MARK1: variants seen among roughly 807,000 people sequenced by gnomAD.
MARK1 encodes serine/threonine-protein kinase MARK1.
A neutral mutation model predicts 96.3 loss-of-function variants in MARK1; 40 were observed. The ratio of observed to expected loss-of-function variants is 0.42; its 90% CI spans 0.32 to 0.54. The LOEUF (loss-of-function observed/expected upper bound fraction) is 0.54, where lower values mean the gene tolerates loss of function less well. Among genes scored for constraint, MARK1 ranks in the 20% least tolerant of loss-of-function variants. The pLI is 0.16. For missense variants in MARK1, 719 were observed against 984.6 expected, an observed-to-expected ratio of 0.73 and a Z score of 3.61; for synonymous variants, 317 against 341.2, an observed-to-expected ratio of 0.93 and a Z score of 0.78.
At chr1:220,661,379 C>G (rs1317030212) in intron 17 of MARK1, among the ~76,000 whole-genome samples, 1 of 152,132 alleles carries the variant, frequency 6.6e-6, no homozygotes, top group African/African-American at 2.4e-5. Context: ...TTATCTTTCC[C>G]TCTGAAGTTA....
chr1:220,549,680 A>G (rs920635940), intron 1 of MARK1, among the ~76,000 whole-genome samples: 2 of 152,206 alleles, frequency 1.3e-5, no homozygotes, highest in Admixed American at 6.5e-5. Context: ...GTTTAGTGAC[A>G]TAGATGTCCT....
chr1:220,558,281 A>C (rs996321301), intron 1 of MARK1, among the ~76,000 whole-genome samples: 4 of 151,454 alleles, frequency 2.6e-5, no homozygotes, highest in Non-Finnish European at 5.9e-5. Context: ...TATGCATTTA[A>C]AAATTTAAAA....
At chr1:220,552,928 T>A (rs768620480) in intron 1 of MARK1, among the ~76,000 whole-genome samples, 1 of 152,178 alleles carries the variant, frequency 6.6e-6, no homozygotes, top group African/African-American at 2.4e-5. Context: ...GCTGACAGAT[T>A]AGCCTTAGTG....
chr1:220,585,355 G>A (rs1424265173), intron 3 of MARK1, among the ~76,000 whole-genome samples: 1 of 152,120 alleles, frequency 6.6e-6, no homozygotes, highest in Non-Finnish European at 1.5e-5. Context: ...AGGGAAAGGT[G>A]TTTAAACAAG....
In MARK1 at chr1:220,654,862, A is replaced by G. The variant is rs1042226748; in HGVS notation, c.1988+1510A>G. On this transcript the variant is annotated intron_variant, in intron 16 of 17. Transcript: ENST00000366917. This position sits in a 1 kb window ranked among gnomAD's most constrained non-coding sequence, Gnocchi z 4.0. Reference sequence around the variant, plus strand: ...ATTTAGACTCTAGGGGAAACAGAGTACTTTGGAAAGGAAGTCGTGAGATAG... The same window carrying G: ...ATTTAGACTCTAGGGGAAACAGAGTGCTTTGGAAAGGAAGTCGTGAGATAG... Among the ~76,000 whole-genome samples, 1 of 152,260 alleles carries G rather than the reference A, an allele frequency of 6.6e-6. No homozygotes were observed. The highest frequency in any genetic ancestry group is 6.5e-5 in the Admixed American group (1 of 15,290).
At position 220,528,809 on chromosome 1, in the gene MARK1, G is replaced by T. The variant is rs746382663; in HGVS notation, c.-14G>T. Reference sequence around the variant, plus strand: ...GCCGGCGAGACCCCGGCCAGACCCCGCTGCCCGCACAAAATGTCGGCCCGG... The same window carrying T: ...GCCGGCGAGACCCCGGCCAGACCCCTCTGCCCGCACAAAATGTCGGCCCGG... On this transcript the variant is annotated 5_prime_UTR_variant, in exon 1 of 18. Coordinates refer to ENST00000366917, the MANE Select transcript of MARK1 (RefSeq NM_018650.5). 1.9e-6 allele frequency: 3 copies of T among 1,550,530 alleles called. No individual in the cohort carries two copies. In the South Asian group the frequency reaches 3.6e-5, roughly 18 times the overall value.
intron 13 of MARK1, among the ~76,000 whole-genome samples, chr1:220,644,758 T>G (rs1668489094): frequency 6.6e-6 from 1 of 152,096 alleles, no homozygotes; most frequent in African/African-American, 2.4e-5. Context: ...AAATTAGAAC[T>G]CAAGATTAAG....
rs147415910 is a variant in MARK1, at chr1:220,581,214, A to G, written c.309+96A>G. ...TCATTCTAAATTTTCTATTAGGTAC[A>G]ATTCTACATTTCATCAATATAAGAA... is the stretch of plus-strand genomic sequence containing the variant. On this transcript the variant is annotated intron_variant, in intron 3 of 17. Transcript: ENST00000366917. 2,475 of 405,790 alleles carry G rather than the reference A, an allele frequency of 6.1e-3. 49 individuals are homozygous for G. Among genetic ancestry groups the G allele is most frequent in the African/African-American group, 0.046 (2,277 of 49,052 alleles). 25.1% of individuals were successfully genotyped at this position (405,790 alleles called of 1,614,324 possible).
chr1:220,626,301 C>T, intron 9 of MARK1: 1 of 542,508 alleles, frequency 1.8e-6, no homozygotes, highest in African/African-American at 1.9e-5. Flanking sequence ...CCTTCTATAC[C>T]ACAGACTGGG....
At chr1:220,570,795 G>A (rs537483493) in intron 1 of MARK1, among the ~76,000 whole-genome samples, 6 of 152,078 alleles carry the variant, frequency 3.9e-5, no homozygotes, top group Non-Finnish European at 7.4e-5. Flanking sequence ...AACAAGTCAG[G>A]TAAAAGACTA....
intron 9 of MARK1, among the ~76,000 whole-genome samples, chr1:220,622,396 C>T (rs1290626427): frequency 6.6e-6 from 1 of 152,118 alleles, no homozygotes; most frequent in Non-Finnish European, 1.5e-5. Flanking sequence ...ACTTTTGATA[C>T]TTAATTTTTC....
chr1:220,588,165 G>A (rs114416237), intron 3 of MARK1, among the ~76,000 whole-genome samples: 2,360 of 152,242 alleles, frequency 0.016, 33 homozygotes, highest in Middle Eastern at 0.044. Flanking sequence ...AATTTAGGCT[G>A]CTTTTAAGTT....
Position 220,636,022 on chromosome 1 carries a change from C to G in MARK1, c.1466C>G (p.Pro489Arg). Residue 489 changes from proline (P) to arginine (R), a missense_variant, in exon 13 of 18, where the codon CCA becomes CGA. Physicochemically the swap from Pro to Arg is moderately radical, Grantham distance 103. This residue lies in a region of MARK1 where 501 missense variants were observed against 588.3 expected (regional missense o/e 0.85). Transcript: ENST00000366917. Reference protein sequence around the residue: ...GPERKKSSTIPSNNVYSGGSM... With the variant: ...GPERKKSSTIRSNNVYSGGSM... ...GAGAGGAAAAAATCTTCAACTATTC[C>G]AAGTGTGAGTAAATACTCTGGTATA... 3 of 1,606,276 alleles carry G rather than the reference C, an allele frequency of 1.9e-6. No individual in the cohort carries two copies. Among genetic ancestry groups the G allele is most frequent in the African/African-American group, 1.3e-5 (1 of 74,680 alleles).
chr1:220,558,180 T>TAATAATAA (rs1553316629), intron 1 of MARK1, among the ~76,000 whole-genome samples: 6 of 141,034 alleles, frequency 4.3e-5, no homozygotes, highest in African/African-American at 1.3e-4. Context: ...AATAATAATA[T>TAATAATAA]GGGAAATGGC....
chr1:220,606,696 G>A (rs1390982354), intron 6 of MARK1, among the ~76,000 whole-genome samples: 1 of 151,682 alleles, frequency 6.6e-6, no homozygotes, highest in East Asian at 1.9e-4. Flanking sequence ...TTCAATTTTT[G>A]TGTAAGGTGT....
At chr1:220,622,532 A>G (rs1182557806) in intron 9 of MARK1, among the ~76,000 whole-genome samples, 1 of 152,238 alleles carries the variant, frequency 6.6e-6, no homozygotes, top group Non-Finnish European at 1.5e-5. Context: ...AGCATATAGT[A>G]TATTTTACAA....
At chr1:220,620,421 T>C (rs751105403) in intron 9 of MARK1, among the ~76,000 whole-genome samples, 50 of 152,180 alleles carry the variant, frequency 3.3e-4, no homozygotes, top group Non-Finnish European at 6.0e-4. Context: ...GACTAACTTT[T>C]ATCATAAGAA....
intron 1 of MARK1, among the ~76,000 whole-genome samples, chr1:220,543,509 TAAA>T (rs1180570191): frequency 6.6e-6 from 1 of 152,198 alleles, no homozygotes; most frequent in East Asian, 1.9e-4. Context: ...ATTTTGAAGC[TAAA>T]AATACCTTGG....
intron 1 of MARK1, among the ~76,000 whole-genome samples, chr1:220,569,899 G>GA (rs1663322520): frequency 6.6e-6 from 1 of 151,988 alleles, no homozygotes; most frequent in Non-Finnish European, 1.5e-5. Context: ...GAAGTAAGTG[G>GA]AAAAATGTTC....
Sources: gnomAD v4.1 joint callset for allele counts (sites outside exome capture counted in the v4.1 genomes callset) on GRCh38, gnomAD v4.1.1 for gene constraint, gnomAD v4.1.1 regional missense constraint, Gnocchi (gnomAD v3.1) non-coding constraint, MANE v1.5 for transcripts, NCBI Gene and HGNC (gene_info 2026-07-23, HGNC 2026-07-21) for gene names.